Variants in TP53BP2 observed in about 807,000 individuals in gnomAD.
The protein encoded by TP53BP2 is apoptosis-stimulating of p53 protein 2.
Under a neutral mutation model 126.2 loss-of-function variants are expected in TP53BP2, and 62 were observed. The ratio of observed to expected loss-of-function variants is 0.49; its 90% CI spans 0.40 to 0.61. The LOEUF is 0.61. Ranked by LOEUF, TP53BP2 falls within the 20% of genes least tolerant of loss-of-function variation. TP53BP2 has a pLI of 0.00. For synonymous variants in TP53BP2, 485 were observed against 502.9 expected, an observed-to-expected ratio of 0.96 and a Z score of 0.48; for missense variants, 1,215 against 1,402.8, an observed-to-expected ratio of 0.87 and a Z score of 2.14.
At chr1:223,824,474 G>T (rs906360963) in intron 1 of TP53BP2, among the ~76,000 whole-genome samples, 1 of 152,048 alleles carries the variant, frequency 6.6e-6, no homozygotes, top group South Asian at 2.1e-4. Context: ...TATTTTTGTC[G>T]ATTCCCAGGC....
At chr1:223,792,281 C>G in intron 15 of TP53BP2, 108 bp downstream of exon 15, 1 of 1,291,798 alleles carries the variant, frequency 7.7e-7, no homozygotes, top group Non-Finnish European at 1.1e-6. Flanking sequence ...ACAAGCAGCT[C>G]AAGGACATAA....
intron 15 of TP53BP2, 59 bp from the exon 16 acceptor site, chr1:223,789,233 T>C: frequency 6.4e-7 from 1 of 1,574,784 alleles, no homozygotes. Flanking sequence ...CACCTGCTGA[T>C]AAGATATCTG....
At chr1:223,822,379 T>C (rs1663341251) in intron 1 of TP53BP2, among the ~76,000 whole-genome samples, 1 of 152,070 alleles carries the variant, frequency 6.6e-6, no homozygotes, top group South Asian at 2.1e-4. Flanking sequence ...TAAAACTCAC[T>C]AATAGGCTGG....
chr1:223,798,899 G>A (rs539434610), intron 11 of TP53BP2, among the ~76,000 whole-genome samples: 9 of 151,904 alleles, frequency 5.9e-5, no homozygotes, highest in South Asian at 2.1e-4. Flanking sequence ...GTGAAACCCC[G>A]TCTCTACTAA....
intron 10 of TP53BP2, among the ~76,000 whole-genome samples, chr1:223,800,381 G>A (rs1400217165): frequency 1.3e-5 from 2 of 152,158 alleles, no homozygotes; most frequent in African/African-American, 4.8e-5. Flanking sequence ...GAGCCCAGGA[G>A]TCCAGTCTGG....
chr1:223,827,365 A>G (rs1663537075), intron 1 of TP53BP2, among the ~76,000 whole-genome samples: 1 of 152,202 alleles, frequency 6.6e-6, no homozygotes, highest in Non-Finnish European at 1.5e-5. Context: ...GGAACCAAGC[A>G]AAGAAAGCGT....
rs778606408 is a variant in TP53BP2, at chr1:223,799,925, T to C, written c.1459A>G (p.Ser487Gly). Reference sequence around the variant, plus strand: ...TGAGCATCCCGCAAGATATCTTCACTGCTCTGGTTCTTCCTCAGAGTACCA... The same window carrying C: ...TGAGCATCCCGCAAGATATCTTCACCGCTCTGGTTCTTCCTCAGAGTACCA... Reference protein sequence around the residue: ...SFGTLRKNQSSEDILRDAQVA... With the variant: ...SFGTLRKNQSGEDILRDAQVA... Residue 487 changes from serine (S) to glycine (G), a missense_variant, in exon 11 of 18, where the codon AGT becomes GGT. This residue lies in a region of TP53BP2 where 814 missense variants were observed against 853.0 expected (regional missense o/e 0.95). Coordinates refer to ENST00000343537, the MANE Select transcript of TP53BP2 (RefSeq NM_001031685.3). 3 of 1,604,502 alleles carry C rather than the reference T, an allele frequency of 1.9e-6. No homozygotes were observed. The highest frequency in any genetic ancestry group is 1.7e-6 in the Non-Finnish European group (2 of 1,177,382).
intron 1 of TP53BP2, among the ~76,000 whole-genome samples, chr1:223,834,371 T>C (rs1982610): frequency 2.0e-5 from 3 of 152,026 alleles, no homozygotes; most frequent in Non-Finnish European, 1.5e-5. Context: ...ACCACTGCAT[T>C]AGAGGGTTTT....
In TP53BP2 at chr1:223,845,826, C is replaced by T; in HGVS notation, c.-146G>A. ...AGCGGCGGCGCGCGGGTCCGAAGGG[C>T]CCTCCGCGCGGGCTGGGGCACCAAC... is the stretch of plus-strand genomic sequence containing the variant. On this transcript the variant is annotated 5_prime_UTR_variant, in exon 1 of 18. Transcript: ENST00000343537. 1 of 655,556 alleles carries T rather than the reference C, an allele frequency of 1.5e-6. No homozygotes were observed. The highest frequency in any genetic ancestry group is 2.1e-6 in the Non-Finnish European group (1 of 472,664). 40.6% of individuals were successfully genotyped at this position (655,556 alleles called of 1,614,324 possible).
chr1:223,802,698 C>T (rs750835777), intron 8 of TP53BP2, 33 bp downstream of exon 8: 2 of 1,609,408 alleles, frequency 1.2e-6, no homozygotes, highest in Admixed American at 1.7e-5. Flanking sequence ...TTTTTCCCTC[C>T]TCCCCAAAAC....
rs1409576483 is a variant in TP53BP2 at position 223,794,611 on chromosome 1, A to G, written c.2725-1171T>C. On this transcript the variant is annotated intron_variant, in intron 13 of 17. Transcript: ENST00000343537. ...CCTTGAAAATGTGGATTATTTTGAC[A>G]CAGCAACAAAAAGGCCAGAAAATAA... is the stretch of plus-strand genomic sequence containing the variant. 2.0e-5 allele frequency among the ~76,000 whole-genome samples: 3 copies of G among 152,218 alleles called. No individual in the cohort carries two copies. The East Asian group carries it at 5.8e-4, about 29-fold the overall frequency.
intron 2 of TP53BP2, chr1:223,818,357 T>C (rs1663165656): frequency 6.6e-6 from 1 of 151,412 alleles, no homozygotes; most frequent in African/African-American, 2.4e-5. Flanking sequence ...CAAAAAAAAT[T>C]AGCTGGTGTG....
chr1:223,815,368 C>T (rs1229444173), intron 2 of TP53BP2, among the ~76,000 whole-genome samples: 1 of 152,132 alleles, frequency 6.6e-6, no homozygotes, highest in Admixed American at 6.5e-5. Context: ...CTTTTATAAA[C>T]CACACATATT....
intron 5 of TP53BP2, 45 bp downstream of exon 5, chr1:223,806,801 G>A (rs1158321309): frequency 5.3e-6 from 8 of 1,512,860 alleles, no homozygotes; most frequent in Non-Finnish European, 7.3e-6. Flanking sequence ...TCCAGCCTAG[G>A]CGACAGAGTG....
chr1:223,808,540 CAA>C (rs34273651), intron 4 of TP53BP2, among the ~76,000 whole-genome samples: 120 of 110,814 alleles, frequency 1.1e-3, no homozygotes, highest in African/African-American at 2.0e-3. Flanking sequence ...GACTCTGTAT[CAA>C]AAAAAAAAAA....
In TP53BP2 at chr1:223,780,665, T is replaced by C; in HGVS notation, c.*188A>G. 1.6e-6 allele frequency: 1 copy of C among 619,940 alleles called. No homozygotes were observed. The highest frequency in any genetic ancestry group is 2.8e-6 in the Non-Finnish European group (1 of 360,398). 38.4% of individuals were successfully genotyped at this position (619,940 alleles called of 1,614,324 possible). A position where few individuals can be genotyped will look rare whatever the true frequency, so the allele number is the denominator to read the frequency against. ...TGGCCTGCTGACGTAGATGCTTTAT[T>C]TCATCACGCTAAATGTCCTCTAATG... On this transcript the variant is annotated 3_prime_UTR_variant, in exon 18 of 18. Coordinates refer to ENST00000343537, the MANE Select transcript of TP53BP2 (RefSeq NM_001031685.3).
At chr1:223,782,292 G>A (rs1474253143) in intron 17 of TP53BP2, among the ~76,000 whole-genome samples, 1 of 152,094 alleles carries the variant, frequency 6.6e-6, no homozygotes, top group African/African-American at 2.4e-5. Context: ...ACTCAAGTAA[G>A]CAACTAGTTC....
At chr1:223,830,177 A>T (rs1344886690) in intron 1 of TP53BP2, among the ~76,000 whole-genome samples, 1 of 152,152 alleles carries the variant, frequency 6.6e-6, no homozygotes, top group African/African-American at 2.4e-5. Flanking sequence ...CGTATTTCAG[A>T]ATTTTTTCGG....
chr1:223,821,335 C>T lies in TP53BP2; in HGVS notation c.60G>A (p.Glu20=), dbSNP rs1456964818. ...MFLTVYLSNN[E]QHFTEVPVTP... is the part of the protein sequence containing the mutation. ...TAACTGGAACTTCTGTGAAGTGCTG[C>T]TCATTGTTACTGAGATACACGGTAA... The change falls in exon 2 of 18, where the codon GAG becomes GAA. Residue 20 remains glutamate, a synonymous_variant. Transcript: ENST00000343537. 1 of 1,614,012 alleles carries T rather than the reference C, an allele frequency of 6.2e-7. No homozygotes were observed. Among genetic ancestry groups the T allele is most frequent in the Admixed American group, 1.7e-5 (1 of 60,032 alleles).
Sources: gnomAD v4.1 joint callset for allele counts (sites outside exome capture counted in the v4.1 genomes callset) on GRCh38, gnomAD v4.1.1 for gene constraint, gnomAD v4.1.1 regional missense constraint, MANE v1.5 for transcripts, NCBI Gene and HGNC (gene_info 2026-07-23, HGNC 2026-07-21) for gene names.